Variants in TNFSF4 observed in about 807,000 individuals in gnomAD.
TNFSF4 encodes the protein TNF superfamily member 4, also known as tumor necrosis factor ligand superfamily member 4.
In TNFSF4, 4 loss-of-function variants were observed where a neutral mutation model predicts 7.3. That is an observed-to-expected ratio of 0.55 (90% CI 0.27 to 1.25). The LOEUF is 1.25. Ranked by LOEUF, TNFSF4 falls within the 50% of genes most tolerant of loss-of-function variation. The pLI, the probability that TNFSF4 is intolerant of heterozygous loss-of-function variation, is 0.12. For missense variants in TNFSF4, 181 were observed against 208.8 expected, an observed-to-expected ratio of 0.87 and a Z score of 0.82; for synonymous variants, 76 against 83.7, an observed-to-expected ratio of 0.91 and a Z score of 0.50.
At chr1:173,232,179 T>A in the TNFSF4 span, among the ~76,000 whole-genome samples, 1 of 152,168 alleles carries the variant, frequency 6.6e-6, no homozygotes, top group East Asian at 1.9e-4. Context: ...GAAGAGGTCC[T>A]TCGTGTCCCT....
At chr1:173,205,332 A>G in intron 1 of TNFSF4, 1 of 1,612,120 alleles carries the variant, frequency 6.2e-7, no homozygotes. Context: ...GTGTCCTAGA[A>G]ACCAGCACCC....
chr1:173,413,032 G>A, the TNFSF4 span, among the ~76,000 whole-genome samples: 1 of 152,304 alleles, frequency 6.6e-6, no homozygotes, highest in Non-Finnish European at 1.5e-5. Flanking sequence ...TGAGGGCTGA[G>A]GATGGAGCCC....
chr1:173,392,124 A>AT, the TNFSF4 span, among the ~76,000 whole-genome samples: 27 of 152,210 alleles, frequency 1.8e-4, no homozygotes, highest in Non-Finnish European at 2.9e-4. Flanking sequence ...GTTCTAACTC[A>AT]ATGTCACCTC....
At chr1:173,332,079 G>T in the TNFSF4 span, among the ~76,000 whole-genome samples, 1 of 152,130 alleles carries the variant, frequency 6.6e-6, no homozygotes, top group Non-Finnish European at 1.5e-5. Context: ...ATAAGGTTAA[G>T]AAACCCTGCC....
At chr1:173,215,827 G>A in the TNFSF4 span, among the ~76,000 whole-genome samples, 3 of 152,134 alleles carry the variant, frequency 2.0e-5, 1 homozygote, top group African/African-American at 7.2e-5. Flanking sequence ...GTTGCTATAG[G>A]GTTTACATGG....
the TNFSF4 span, among the ~76,000 whole-genome samples, chr1:173,323,263 C>T: frequency 6.6e-6 from 1 of 152,200 alleles, no homozygotes; most frequent in Non-Finnish European, 1.5e-5. Context: ...GCTGCTGATG[C>T]CCAGGCAAAC....
the TNFSF4 span, among the ~76,000 whole-genome samples, chr1:173,358,520 C>T: frequency 1.6e-4 from 25 of 152,274 alleles, no homozygotes; most frequent in Non-Finnish European, 2.8e-4. Flanking sequence ...AACTATAAAG[C>T]TTAATATACC....
rs146403341 is a variant in TNFSF4, at chr1:173,202,729, C to T, written c.153+4295G>A. Among the ~76,000 whole-genome samples, 9 of 152,278 alleles carry T rather than the reference C, an allele frequency of 5.9e-5. No individual in the cohort carries two copies. In the East Asian group the frequency reaches 1.7e-3, roughly 29 times the overall value. ...GATTCACAAGATCCTTTGTGAACTG[C>T]TCCCCACCTCCCCAGCTTTTCAGCT... On this transcript the variant is annotated intron_variant, in intron 1 of 2. Coordinates refer to ENST00000281834, the MANE Select transcript of TNFSF4 (RefSeq NM_003326.5).
At chr1:173,283,235 T>C in the TNFSF4 span, among the ~76,000 whole-genome samples, 1 of 152,112 alleles carries the variant, frequency 6.6e-6, no homozygotes, top group African/African-American at 2.4e-5. Context: ...CCTTTGAATG[T>C]ATATTTCCGG....
chr1:173,239,874 C>A, the TNFSF4 span, among the ~76,000 whole-genome samples: 1 of 151,988 alleles, frequency 6.6e-6, no homozygotes, highest in South Asian at 2.1e-4. Flanking sequence ...CTACTAAAAC[C>A]ACAAACAATT....
chr1:173,338,434 A>G, the TNFSF4 span, among the ~76,000 whole-genome samples: 1 of 152,264 alleles, frequency 6.6e-6, no homozygotes, highest in South Asian at 2.1e-4. Flanking sequence ...TGCTCATGAA[A>G]TTCACTGATC....
At chr1:173,246,891 C>G in the TNFSF4 span, among the ~76,000 whole-genome samples, 1 of 152,196 alleles carries the variant, frequency 6.6e-6, no homozygotes, top group Non-Finnish European at 1.5e-5. Flanking sequence ...TTCAAACATT[C>G]CCAAGTCTAA....
At chr1:173,288,487 AT>A in the TNFSF4 span, among the ~76,000 whole-genome samples, 1 of 152,128 alleles carries the variant, frequency 6.6e-6, no homozygotes, top group African/African-American at 2.4e-5. Context: ...TAGCAAAGAT[AT>A]AAAAAATTTA....
the TNFSF4 span, among the ~76,000 whole-genome samples, chr1:173,266,860 T>C: frequency 6.6e-6 from 1 of 152,186 alleles, no homozygotes; most frequent in Non-Finnish European, 1.5e-5. Context: ...TACTGGAAGT[T>C]CTAACTATAT....
chr1:173,182,235 C>CTGAT (rs1448332513), downstream of TNFSF4, among the ~76,000 whole-genome samples: 2 of 138,322 alleles, frequency 1.4e-5, no homozygotes, highest in African/African-American at 6.6e-5. Flanking sequence ...TTTTGTTCAA[C>CTGAT]TGATAGAAAA....
chr1:173,240,690 T>C, the TNFSF4 span, among the ~76,000 whole-genome samples: 1 of 152,154 alleles, frequency 6.6e-6, no homozygotes. Context: ...CACTGGGATA[T>C]ATTATGAGTA....
chr1:173,306,858 T>C, the TNFSF4 span, among the ~76,000 whole-genome samples: 2 of 151,904 alleles, frequency 1.3e-5, no homozygotes, highest in African/African-American at 4.8e-5. Flanking sequence ...CTTCCCTGAC[T>C]CTGCCCCAAG....
the TNFSF4 span, among the ~76,000 whole-genome samples, chr1:173,400,151 A>C: frequency 8.2e-4 from 125 of 152,386 alleles, no homozygotes; most frequent in African/African-American, 2.9e-3. Flanking sequence ...CTCACTTCAC[A>C]GCAAATAAAG....
chr1:173,245,354 T>C, the TNFSF4 span, among the ~76,000 whole-genome samples: 68 of 152,348 alleles, frequency 4.5e-4, no homozygotes, highest in Admixed American at 2.5e-3. Flanking sequence ...TTTGCTTTTA[T>C]AGAGATTATT....
Sources: allele counts gnomAD v4.1 joint callset (sites outside exome capture counted in the v4.1 genomes callset), GRCh38; gene constraint gnomAD v4.1.1; transcripts MANE v1.5; gene names NCBI Gene and HGNC (gene_info 2026-07-23, HGNC 2026-07-21).